Variants in UNC45A observed in about 807,000 individuals in gnomAD.
UNC45A encodes unc-45 myosin chaperone A.
A neutral mutation model predicts 103.2 loss-of-function variants in UNC45A; 78 were observed. The ratio of observed to expected loss-of-function variants is 0.76; its 90% CI spans 0.63 to 0.91. UNC45A has a LOEUF of 0.91. Ranked by LOEUF, UNC45A falls within the 40% of genes least tolerant of loss-of-function variation. The probability of loss-of-function intolerance (pLI) is 0.00; values close to 1 mark genes in which losing one functional copy is unlikely to be tolerated. For synonymous variants in UNC45A, 495 were observed against 504.6 expected (o/e 0.98, Z 0.25); for missense variants, 1,193 against 1,224.8 (o/e 0.97, Z 0.39).
intron 17 of UNC45A, among the ~76,000 whole-genome samples, chr15:90,951,591 G>A (rs988057440): frequency 2.6e-5 from 4 of 151,956 alleles, no homozygotes; most frequent in East Asian, 3.9e-4. Context: ...GCAATACCTC[G>A]TCCCTATTTA....
At chr15:90,946,944 A>G in intron 10 of UNC45A, 30 bp downstream of exon 10, 1 of 1,572,590 alleles carries the variant, frequency 6.4e-7, no homozygotes, top group Non-Finnish European at 8.7e-7. Context: ...GTGGGTGGGC[A>G]GGCAGCCAGG....
At chr15:90,948,490 A>G (rs1412065103) in intron 12 of UNC45A, 164 bp from the exon 13 acceptor site, 2 of 1,316,870 alleles carry the variant, frequency 1.5e-6, no homozygotes, top group Non-Finnish European at 2.0e-6. Context: ...TGGGGAGGTC[A>G]AGTTTGTAAG....
chr15:90,948,793 A>G lies in UNC45A; in HGVS notation c.1877A>G (p.Lys626Arg), dbSNP rs977347561. 22 of 1,601,978 alleles carry G rather than the reference A, an allele frequency of 1.4e-5. No homozygotes were observed. Among genetic ancestry groups the G allele is most frequent in the Non-Finnish European group, 1.6e-5 (19 of 1,174,724 alleles). Residue 626 changes from lysine to arginine, a missense_variant and splice_region_variant, in exon 13 of 20, where the codon AAG (lysine) becomes AGG (arginine). Lys to Arg is a conservative substitution (Grantham distance 26). Transcript: ENST00000418476. ...CAGCATGTGCCCGAGCAGCACCCCA[A>G]GGTGAGGGGCCGCCAGAGGGGCTAG... ...AKQHVPEQHP[K>R]DKPSFVRARV...
At chr15:90,942,045 A>C (rs368181246) in intron 6 of UNC45A, among the ~76,000 whole-genome samples, 3 of 151,838 alleles carry the variant, frequency 2.0e-5, no homozygotes, top group Non-Finnish European at 4.4e-5. Context: ...CCACATCCCC[A>C]GGGTGTGGAA....
rs1304529624 is a variant in UNC45A, at chr15:90,949,671, T to A, written c.2024T>A (p.Val675Glu). The change falls in exon 15 of 20, where the codon GTG (valine) becomes GAG (glutamate). Residue 675 changes from valine (V) to glutamate (E), a missense_variant. Coordinates refer to ENST00000418476, the MANE Select transcript of UNC45A (RefSeq NM_018671.5). The part of the protein sequence containing the change: ...ELLSRVFLAL[V>E]EEVEDRGTVV... ...CCCCACAGGGTCTTCTTGGCTTTAGTGGAAGAGGTAGAGGACCGAGGCACT... is the reference window on the plus strand; with the variant it reads ...CCCCACAGGGTCTTCTTGGCTTTAGAGGAAGAGGTAGAGGACCGAGGCACT... 1.9e-6 allele frequency: 3 copies of A among 1,614,040 alleles called. No individual in the cohort carries two copies. The African/African-American group carries it at 4.0e-5, about 22-fold the overall frequency.
At chr15:90,938,806 G>A (rs923603897) in intron 4 of UNC45A, among the ~76,000 whole-genome samples, 3 of 151,948 alleles carry the variant, frequency 2.0e-5, no homozygotes, top group Non-Finnish European at 4.4e-5. Flanking sequence ...CGAGTAGCTG[G>A]GATTACAGGC....
At chr15:90,951,241 G>A (rs8038738) in intron 17 of UNC45A, among the ~76,000 whole-genome samples, 47,258 of 152,012 alleles carry the variant, frequency 0.31, 7,964 homozygotes, top group East Asian at 0.56. Context: ...TCCTGACCTC[G>A]TGATCCGCCC....
intron 17 of UNC45A, among the ~76,000 whole-genome samples, chr15:90,951,711 T>C (rs937786256): frequency 3.9e-5 from 6 of 152,206 alleles, no homozygotes; most frequent in African/African-American, 1.4e-4. Context: ...TGGTTACCTG[T>C]GTAACAAACC....
intron 17 of UNC45A, 53 bp from the exon 18 acceptor site, chr15:90,952,876 G>A (rs2036995386): frequency 1.9e-6 from 3 of 1,543,846 alleles, no homozygotes; most frequent in Middle Eastern, 1.7e-4. Context: ...ATGAGGGTTA[G>A]AAGGGAAAAC....
chr15:90,953,175 C>G lies in UNC45A; in HGVS notation c.2442C>G (p.Ala814=), dbSNP rs1422804650. ...MSKEVQDLFE[A]QGNDRLKLLV... is the part of the protein sequence containing the mutation. ...CACAGGTGCAGGACCTCTTCGAAGC[C>G]CAGGGCAATGACCGACTGAAGCTGC... The change falls in exon 19 of 20, where the codon GCC becomes GCG. Residue 814 remains alanine (A), a synonymous_variant. Transcript: ENST00000418476. 1 of 1,613,734 alleles carries G rather than the reference C, an allele frequency of 6.2e-7. No individual in the cohort carries two copies. The highest frequency in any genetic ancestry group is 1.1e-5 in the South Asian group (1 of 91,036).
At position 90,947,765 on chromosome 15, in the gene UNC45A, G is replaced by C. The variant is rs547984425; in HGVS notation, c.1501-31G>C. The C allele has an allele frequency of 7.0e-5, 110 of 1,576,710 alleles. No individual in the cohort carries two copies. In the South Asian group the frequency reaches 1.2e-3, roughly 17 times the overall value. ...AGCTCAGCTCCTGCCTCCTTCCCCA[G>C]AGGCCAACTGGTCTTGCCCTCTTCC... On this transcript the variant is annotated intron_variant, in intron 10 of 19. Transcript: ENST00000418476.
chr15:90,942,915 C>G lies in UNC45A; in HGVS notation c.860C>G (p.Pro287Arg), dbSNP rs753288633. ...GATGTCTTCTTGTTGTTGCCAGATC[C>G]TGCCCGGGAGCTGAAGGTCCTCATC... Reference protein sequence around the residue: ...RGKEGAIIVDPARELKVLISN... With the variant: ...RGKEGAIIVDRARELKVLISN... The change falls in exon 8 of 20, where the codon CCT becomes CGT. Residue 287 changes from proline to arginine, a missense_variant. Transcript: ENST00000418476. The G allele has an allele frequency of 5.0e-6, 8 of 1,604,602 alleles. No individual in the cohort carries two copies. In the Admixed American group the frequency reaches 1.4e-4, roughly 27 times the overall value.
At chr15:90,931,839 C>G, upstream of UNC45A, 1 of 1,614,162 alleles carries the variant, frequency 6.2e-7, no homozygotes, top group Non-Finnish European at 8.5e-7. Flanking sequence ...AGAGTCTTGT[C>G]ATCTGTTACC....
rs764505821 is a variant in UNC45A, at chr15:90,949,747, G to A, written c.2073+27G>A. 5.0e-6 allele frequency: 8 copies of A among 1,612,246 alleles called. No homozygotes were observed. In the South Asian group the frequency reaches 7.7e-5, roughly 15 times the overall value. On this transcript the variant is annotated intron_variant, in intron 15 of 19. Coordinates refer to ENST00000418476, the MANE Select transcript of UNC45A (RefSeq NM_018671.5). Reference sequence around the variant, plus strand: ...TAAGCTGGTTTACACACCCCTTCCTGATGGCTGAGCCATCAGCCTATAAAA... The same window carrying A: ...TAAGCTGGTTTACACACCCCTTCCTAATGGCTGAGCCATCAGCCTATAAAA...
upstream of UNC45A, chr15:90,934,119 C>G (rs1235733076): frequency 2.3e-5 from 9 of 399,092 alleles, no homozygotes; most frequent in Middle Eastern, 1.2e-3. Context: ...CTGGGTGACC[C>G]TTGTCCAGCC....
upstream of UNC45A, chr15:90,934,805 G>A (rs149959254): frequency 1.7e-4 from 69 of 403,848 alleles, no homozygotes; most frequent in East Asian, 2.4e-3. Flanking sequence ...GTATGCAAAT[G>A]TGTGTATGTA....
At chr15:90,937,572 T>C (rs58890022) in intron 4 of UNC45A, among the ~76,000 whole-genome samples, 30,649 of 150,776 alleles carry the variant, frequency 0.2, 4,385 homozygotes, top group East Asian at 0.41. Flanking sequence ...CTGCAACCTC[T>C]GCCTCCCAGG....
chr15:90,939,766 A>G lies in UNC45A; in HGVS notation c.462A>G (p.Glu154=), dbSNP rs1428555693. 1.4e-5 allele frequency: 23 copies of G among 1,614,094 alleles called. No homozygotes were observed. Among genetic ancestry groups the G allele is most frequent in the Non-Finnish European group, 1.9e-5 (23 of 1,180,046 alleles). Residue 154 remains glutamate (E), a synonymous_variant, in exon 5 of 20, where the codon GAA becomes GAG. Coordinates refer to ENST00000418476, the MANE Select transcript of UNC45A (RefSeq NM_018671.5). Reference sequence around the variant, plus strand: ...TGTCCTCGACGGATGCCAAAGTGGAACAGATGTTTCAGATACTGTTGGACC... The same window carrying G: ...TGTCCTCGACGGATGCCAAAGTGGAGCAGATGTTTCAGATACTGTTGGACC... The part of the protein sequence containing the change: ...RYMSSTDAKV[E]QMFQILLDPE...
At chr15:90,950,000 T>A (rs2036804920) in intron 15 of UNC45A, 154 bp from the exon 16 acceptor site, 3 of 726,394 alleles carry the variant, frequency 4.1e-6, no homozygotes, top group Non-Finnish European at 6.8e-6. Flanking sequence ...TTATTAGGTG[T>A]TTCAGGAAGT....
Sources: allele counts gnomAD v4.1 joint callset (sites outside exome capture counted in the v4.1 genomes callset), GRCh38; gene constraint gnomAD v4.1.1; transcripts MANE v1.5; gene names NCBI Gene and HGNC (gene_info 2026-07-23, HGNC 2026-07-21).